NAP1L1: variants seen among roughly 807,000 people sequenced by gnomAD.
NAP1L1 encodes the protein nucleosome assembly protein 1 like 1.
NAP1L1 carries 9 observed loss-of-function variants against 58.9 expected under a neutral mutation model. That is an observed-to-expected ratio of 0.15 (90% CI 0.09 to 0.27). The LOEUF (loss-of-function observed/expected upper bound fraction) is 0.27, where lower values mean the gene tolerates loss of function less well. NAP1L1 is among the 10% of genes least tolerant of loss of function. NAP1L1 has a pLI of 1.00. For synonymous variants in NAP1L1, 130 were observed against 138.3 expected (o/e 0.94, Z 0.42); for missense variants, 302 against 458.8 (o/e 0.66, Z 3.12).
In NAP1L1 at chr12:76,074,035, T is replaced by C. The variant is rs964811252; in HGVS notation, c.17+168A>G. Reference sequence around the variant, plus strand: ...ATGATCATAAATATGCTAATGATCATATATTCTATATTTTACCTTGAATAC... The same window carrying C: ...ATGATCATAAATATGCTAATGATCACATATTCTATATTTTACCTTGAATAC... On this transcript the variant is annotated intron_variant, in intron 2 of 14. Transcript: ENST00000618691. 60 of 571,186 alleles carry C rather than the reference T, an allele frequency of 1.1e-4. No homozygotes were observed. The African/African-American group carries it at 1.1e-3, about 10-fold the overall frequency. The allele number at this position is 571,186 out of a possible 1,614,324, so 35.4% of individuals were successfully genotyped here.
At chr12:76,079,627 T>C (rs748421873) in intron 1 of NAP1L1, among the ~76,000 whole-genome samples, 36 of 151,694 alleles carry the variant, frequency 2.4e-4, no homozygotes, top group South Asian at 2.1e-4. Flanking sequence ...TTCATACATA[T>C]ATGGTGTGTA....
rs995363556 is a variant in NAP1L1, at chr12:76,042,443, C to G, written c.*5986G>C. 1 of 152,190 alleles carries G rather than the reference C, an allele frequency of 6.6e-6. No individual in the cohort carries two copies. Among genetic ancestry groups the G allele is most frequent in the African/African-American group, 2.4e-5 (1 of 41,444 alleles). 9.4% of individuals were successfully genotyped at this position (152,190 alleles called of 1,614,324 possible). ...CAAAGACACTACTTGTATTCTCACACATATCCATTAAAATTTGGTAGCAGA... is the reference window on the plus strand; with the variant it reads ...CAAAGACACTACTTGTATTCTCACAGATATCCATTAAAATTTGGTAGCAGA... On this transcript the variant is annotated 3_prime_UTR_variant, in exon 15 of 15. Coordinates refer to ENST00000618691, the MANE Select transcript of NAP1L1 (RefSeq NM_004537.7).
chr12:76,063,881 TAAAAAAAAAAAA>T lies in NAP1L1; in HGVS notation c.206+3478_206+3489del, dbSNP rs10693123. ...AAAAAGACATACTAGGTTAAAAGTT[TAAAAAAAAAAAA>T]AAAAAAAAAGAGGCTGGGGGTGATG... On this transcript the variant is annotated intron_variant, in intron 4 of 14. Transcript: ENST00000618691. 5.6e-4 allele frequency among the ~76,000 whole-genome samples: 77 copies of T among 137,506 alleles called. 1 individual carries two copies. The highest frequency in any genetic ancestry group is 2.1e-3 in the African/African-American group (75 of 36,010). The allele number at this position is 137,506 out of a possible 152,430, so 90.2% of individuals were successfully genotyped here.
At position 76,038,808 on chromosome 12, in the gene NAP1L1, A is replaced by AC. The variant is rs1238370795; in HGVS notation, c.*9620dup. 3 of 152,136 alleles carry AC rather than the reference A, an allele frequency of 2.0e-5. No individual in the cohort carries two copies. The highest frequency in any genetic ancestry group is 7.2e-5 in the African/African-American group (3 of 41,418). 9.4% of individuals were successfully genotyped at this position (152,136 alleles called of 1,614,324 possible). ...TAGAACCGCCCCCATCACAATAACTACCTAAGTAAATCATTGTTGAGTAAC... is the reference window on the plus strand; with the variant it reads ...TAGAACCGCCCCCATCACAATAACTACCCTAAGTAAATCATTGTTGAGTAAC... On this transcript the variant is annotated 3_prime_UTR_variant, in exon 15 of 15. Coordinates refer to ENST00000618691, the MANE Select transcript of NAP1L1 (RefSeq NM_004537.7).
intron 4 of NAP1L1, among the ~76,000 whole-genome samples, chr12:76,066,599 T>C (rs1168457413): frequency 2.0e-5 from 3 of 152,036 alleles, no homozygotes; most frequent in Non-Finnish European, 4.4e-5. Flanking sequence ...TAAGACAAAA[T>C]GAGTCCACAC....
chr12:76,039,966 C>A lies in NAP1L1; in HGVS notation c.*8463G>T, dbSNP rs767330413. The A allele has an allele frequency of 5.3e-5, 8 of 152,158 alleles. No homozygotes were observed. Among genetic ancestry groups the A allele is most frequent in the African/African-American group, 7.2e-5 (3 of 41,442 alleles). 9.4% of individuals were successfully genotyped at this position (152,158 alleles called of 1,614,324 possible). A position where few individuals can be genotyped will look rare whatever the true frequency, so the allele number is the denominator to read the frequency against. On this transcript the variant is annotated 3_prime_UTR_variant, in exon 15 of 15. Transcript: ENST00000618691. ...ACATTATACCCAACTTTTGAAAACA[C>A]GTGTACTTAAGGGTCACCTTATACA...
intron 6 of NAP1L1, among the ~76,000 whole-genome samples, chr12:76,058,616 G>T: frequency 6.6e-6 from 1 of 152,062 alleles, no homozygotes; most frequent in East Asian, 1.9e-4. Flanking sequence ...TCGAACTCCT[G>T]ACCTAGTGAT....
chr12:76,064,399 A>C (rs1949565678), intron 4 of NAP1L1, among the ~76,000 whole-genome samples: 1 of 152,218 alleles, frequency 6.6e-6, no homozygotes, highest in Non-Finnish European at 1.5e-5. Flanking sequence ...AGCTTGAGCT[A>C]TTAATTTCAG....
chr12:76,053,812 T>A lies in NAP1L1; in HGVS notation c.728A>T (p.Asp243Val). Residue 243 changes from aspartate (D) to valine (V), a missense_variant, in exon 9 of 15, where the codon GAT becomes GTT. By Grantham distance (152) the Asp-to-Val change is radical. Transcript: ENST00000618691. The part of the protein sequence containing the change: ...YRMRSEPDDS[D>V]PFSFDGPEIM... ...TTCTGGTCCATCAAAAGAAAAGGGA[T>A]CAGAATCATCTGGTTCTGACCTCAT... 1.2e-6 allele frequency: 2 copies of A among 1,609,686 alleles called. No individual in the cohort carries two copies. The highest frequency in any genetic ancestry group is 1.7e-6 in the Non-Finnish European group (2 of 1,178,916).
intron 4 of NAP1L1, among the ~76,000 whole-genome samples, chr12:76,066,578 T>C (rs533546539): frequency 6.6e-6 from 1 of 152,194 alleles, no homozygotes; most frequent in South Asian, 2.1e-4. Context: ...TTAGAAATCA[T>C]AAAATACAAA....
At chr12:76,063,141 T>C (rs528182581) in intron 4 of NAP1L1, among the ~76,000 whole-genome samples, 23 of 152,236 alleles carry the variant, frequency 1.5e-4, no homozygotes, top group Admixed American at 1.5e-3. Context: ...TTGAGGAAAA[T>C]TTTTTAAAAA....
intron 1 of NAP1L1, among the ~76,000 whole-genome samples, chr12:76,081,660 A>G (rs1775050158): frequency 6.6e-6 from 1 of 152,234 alleles, no homozygotes; most frequent in African/African-American, 2.4e-5. Context: ...ATATGCAGGA[A>G]GTAAAAGGCA....
chr12:76,057,103 C>T (rs185784030), intron 6 of NAP1L1: 5 of 185,452 alleles, frequency 2.7e-5, no homozygotes. Context: ...GAGTCTAAGA[C>T]CAGCCTAGGC....
chr12:76,057,512 C>A, intron 6 of NAP1L1: 1 of 698,802 alleles, frequency 1.4e-6, no homozygotes. Flanking sequence ...GCTGGCGGGG[C>A]CTGTGCAACT....
At chr12:76,070,388 A>G (rs926249512) in intron 2 of NAP1L1, among the ~76,000 whole-genome samples, 11 of 152,186 alleles carry the variant, frequency 7.2e-5, no homozygotes, top group African/African-American at 2.4e-4. Context: ...GATTACAGGC[A>G]TAAGCCACCA....
At chr12:76,048,970 GA>G (rs1482423790) in intron 14 of NAP1L1, 3 of 543,646 alleles carry the variant, frequency 5.5e-6, no homozygotes, top group Non-Finnish European at 9.7e-6. Context: ...CACTGTACCT[GA>G]AACTATAAAA....
intron 2 of NAP1L1, among the ~76,000 whole-genome samples, chr12:76,072,320 A>T (rs1949991384): frequency 6.6e-6 from 1 of 151,788 alleles, no homozygotes; most frequent in Non-Finnish European, 1.5e-5. Flanking sequence ...AAAAAACAAA[A>T]AAACAGGAAG....
rs58649228 is a variant in NAP1L1 at position 76,076,549 on chromosome 12, A to AATATAT, written c.-20-2316_-20-2311dup. Among the ~76,000 whole-genome samples the AATATAT allele has an allele frequency of 6.1e-3, 733 of 120,182 alleles. 8 individuals carry two copies. Among genetic ancestry groups the AATATAT allele is most frequent in the African/African-American group, 7.7e-3 (234 of 30,492 alleles). The allele number at this position is 120,182 out of a possible 152,430, so 78.8% of individuals were successfully genotyped here. A position where few individuals can be genotyped will look rare whatever the true frequency, so the allele number is the denominator to read the frequency against. On this transcript the variant is annotated intron_variant, in intron 1 of 14. Coordinates refer to ENST00000618691, the MANE Select transcript of NAP1L1 (RefSeq NM_004537.7). Reference sequence around the variant, plus strand: ...TGCCGAAATCCCCTTTGGATATGGAAATATATATATATATATATATATATA... The same window carrying AATATAT: ...TGCCGAAATCCCCTTTGGATATGGAAATATATATATATATATATATATATATATATA...
chr12:76,054,143 C>T (rs748550941), intron 8 of NAP1L1, among the ~76,000 whole-genome samples: 1 of 152,156 alleles, frequency 6.6e-6, no homozygotes, highest in African/African-American at 2.4e-5. Context: ...GATTCTGGTG[C>T]GCCAGCCTGC....
Sources: gnomAD v4.1 joint callset for allele counts (sites outside exome capture counted in the v4.1 genomes callset) on GRCh38, gnomAD v4.1.1 for gene constraint, MANE v1.5 for transcripts, NCBI Gene and HGNC (gene_info 2026-07-23, HGNC 2026-07-21) for gene names.